TERT: variants seen among roughly 807,000 people sequenced by gnomAD.
TERT encodes the protein telomerase reverse transcriptase, also known as telomerase catalytic subunit.
TERT carries 42 observed loss-of-function variants against 104.0 expected under a neutral mutation model. The ratio of observed to expected loss-of-function variants is 0.40; its 90% CI spans 0.32 to 0.52. TERT has a LOEUF of 0.52. Ranked by LOEUF, TERT falls within the 20% of genes least tolerant of loss-of-function variation. The probability of loss-of-function intolerance (pLI) is 0.43; values close to 1 mark genes in which losing one functional copy is unlikely to be tolerated. For synonymous variants in TERT, 781 were observed against 725.6 expected (o/e 1.08, Z -1.23); for missense variants, 1,101 against 1,610.3 (o/e 0.68, Z 5.41).
rs1749924823 is a variant in TERT, at chr5:1,280,204, T to C, written c.1904A>G (p.Asn635Ser). The C allele has an allele frequency of 6.2e-7, 1 of 1,613,948 alleles. No homozygotes were observed. The highest frequency in any genetic ancestry group is 8.5e-7 in the Non-Finnish European group (1 of 1,180,044). ...TCTGGCTCCCACGACGTAGTCCATGTTCACAATCGGCCGCAGCCCGTCAGG... is the reference window on the plus strand; with the variant it reads ...TCTGGCTCCCACGACGTAGTCCATGCTCACAATCGGCCGCAGCCCGTCAGG... ...PKPDGLRPIV[N>S]MDYVVGARTF... Residue 635 changes from asparagine to serine, a missense_variant, in exon 4 of 16, where the codon AAC (asparagine) becomes AGC (serine). By Grantham distance (46) the Asn-to-Ser change is conservative. Coordinates refer to ENST00000310581, the MANE Select transcript of TERT (RefSeq NM_198253.3).
intron 2 of TERT, among the ~76,000 whole-genome samples, chr5:1,289,081 G>T (rs1750672182): frequency 6.6e-6 from 1 of 152,056 alleles, no homozygotes; most frequent in Non-Finnish European, 1.5e-5. Context: ...GACACCTGGG[G>T]ACAGAGCCTC....
rs560870223 is a variant in TERT at position 1,284,039 on chromosome 5, C to CA, written c.1574-1416dup. 1.2e-4 allele frequency among the ~76,000 whole-genome samples: 17 copies of CA among 147,532 alleles called. No individual in the cohort carries two copies. In the East Asian group the frequency reaches 3.6e-3, roughly 31 times the overall value. ...GCCTGGCGACCTCACCCCGGACCTG[C>CA]ACCATCCGGATACAGCACATCCAGC... On this transcript the variant is annotated intron_variant, in intron 2 of 15. Coordinates refer to ENST00000310581, the MANE Select transcript of TERT (RefSeq NM_198253.3).
rs1751308706 is a variant in TERT, at chr5:1,295,037, A to T, written c.-48T>A. ...GCTTCCCACGTGCGCAGCAGGACGCAGCGCTGCCTGAAACTCGCGCCGCGA... is the reference window on the plus strand; with the variant it reads ...GCTTCCCACGTGCGCAGCAGGACGCTGCGCTGCCTGAAACTCGCGCCGCGA... On this transcript the variant is annotated 5_prime_UTR_variant, in exon 1 of 16. Transcript: ENST00000310581. The T allele has an allele frequency of 8.3e-7, 1 of 1,211,982 alleles. No individual in the cohort carries two copies. Among genetic ancestry groups the T allele is most frequent in the South Asian group, 3.1e-5 (1 of 31,940 alleles). The allele number at this position is 1,211,982 out of a possible 1,614,324, so 75.1% of individuals were successfully genotyped here. A position where few individuals can be genotyped will look rare whatever the true frequency, so the allele number is the denominator to read the frequency against.
chr5:1,272,409 G>T, intron 6 of TERT, 129 bp from the exon 7 acceptor site: 2 of 874,806 alleles, frequency 2.3e-6, no homozygotes, highest in African/African-American at 1.7e-5. Flanking sequence ...CCCAGAGAGC[G>T]CCTGGGAAGC....
rs1747820154 is a variant in TERT, at chr5:1,257,335, T to C, written c.3032+1263A>G. On this transcript the variant is annotated intron_variant, in intron 13 of 15. Coordinates refer to ENST00000310581, the MANE Select transcript of TERT (RefSeq NM_198253.3). The surrounding 1 kb of genome is among the most constrained non-coding windows in gnomAD (Gnocchi z 5.6). Reference sequence around the variant, plus strand: ...TTCACCTGGGAAAACTCCTCTGACCTCATCATGGCCCAAGGAGGCCCCAAG... The same window carrying C: ...TTCACCTGGGAAAACTCCTCTGACCCCATCATGGCCCAAGGAGGCCCCAAG... Among the ~76,000 whole-genome samples the C allele has an allele frequency of 6.6e-6, 1 of 151,926 alleles. No homozygotes were observed. The highest frequency in any genetic ancestry group is 2.4e-5 in the African/African-American group (1 of 41,354).
rs998449593 is a variant in TERT, at chr5:1,292,420, T to C, written c.1573+893A>G. On this transcript the variant is annotated intron_variant, in intron 2 of 15. Coordinates refer to ENST00000310581, the MANE Select transcript of TERT (RefSeq NM_198253.3). The surrounding 1 kb of genome is among the most constrained non-coding windows in gnomAD (Gnocchi z 5.5). ...AGCCATCTGCTGTCCTCTGCTCCCA[T>C]GTGGCCCTCTTCATACCTAAAGATG... Among the ~76,000 whole-genome samples the C allele has an allele frequency of 6.6e-6, 1 of 152,202 alleles. No individual in the cohort carries two copies. The highest frequency in any genetic ancestry group is 2.4e-5 in the African/African-American group (1 of 41,450).
At position 1,260,941 on chromosome 5, in the gene TERT, G is replaced by A. The variant is rs536041609; in HGVS notation, c.2844-341C>T. On this transcript the variant is annotated intron_variant, in intron 11 of 15. Coordinates refer to ENST00000310581, the MANE Select transcript of TERT (RefSeq NM_198253.3). ...AACTGTGGAGCCCTGGCTCCCGGGCGTCCCTCGAGTGAACACAGGTGTGAC... is the reference window on the plus strand; with the variant it reads ...AACTGTGGAGCCCTGGCTCCCGGGCATCCCTCGAGTGAACACAGGTGTGAC... Among the ~76,000 whole-genome samples the A allele has an allele frequency of 1.5e-4, 23 of 152,346 alleles. No homozygotes were observed. In the South Asian group the frequency reaches 1.7e-3, roughly 11 times the overall value.
In TERT at chr5:1,291,326, A is replaced by G. The variant is rs373554998; in HGVS notation, c.1573+1987T>C. Among the ~76,000 whole-genome samples the G allele has an allele frequency of 6.4e-4, 18 of 28,168 alleles. No homozygotes were observed. The East Asian group carries it at 7.0e-3, about 11-fold the overall frequency. The allele number at this position is 28,168 out of a possible 152,430, so 18.5% of individuals were successfully genotyped here. A position where few individuals can be genotyped will look rare whatever the true frequency, so the allele number is the denominator to read the frequency against. On this transcript the variant is annotated intron_variant, in intron 2 of 15. Transcript: ENST00000310581. Reference sequence around the variant, plus strand: ...CCAGGGACGGTGCCTCACTCACCCTACACGTGACAGGGACACCCGGGGACC... The same window carrying G: ...CCAGGGACGGTGCCTCACTCACCCTGCACGTGACAGGGACACCCGGGGACC...
At chr5:1,260,698 T>C (rs1291678422) in intron 11 of TERT, 98 bp from the exon 12 acceptor site, 7 of 1,551,198 alleles carry the variant, frequency 4.5e-6, no homozygotes, top group Non-Finnish European at 6.1e-6. Context: ...TTCCTCCCGC[T>C]TCCTTGTCCT....
intron 6 of TERT, among the ~76,000 whole-genome samples, chr5:1,277,127 C>A (rs927609393): frequency 3.9e-5 from 6 of 152,220 alleles, no homozygotes; most frequent in Non-Finnish European, 7.4e-5. Context: ...TCAAGAGAGC[C>A]CCCTGCACAA....
intron 6 of TERT, among the ~76,000 whole-genome samples, chr5:1,277,915 C>T (rs1749720323): frequency 6.6e-6 from 1 of 152,206 alleles, no homozygotes; most frequent in Admixed American, 6.5e-5. Context: ...TGCTCATGAC[C>T]ACTGGGTGGG....
At position 1,279,337 on chromosome 5, in the gene TERT, A is replaced by T. The variant is rs1749846376; in HGVS notation, c.2084T>A (p.Leu695Gln). 6.3e-7 allele frequency: 1 copy of T among 1,585,488 alleles called. No individual in the cohort carries two copies. The highest frequency in any genetic ancestry group is 8.6e-7 in the Non-Finnish European group (1 of 1,168,148). The change falls in exon 5 of 16, where the codon CTG (leucine) becomes CAG (glutamine). Residue 695 changes from leucine to glutamine, a missense_variant. By Grantham distance (113) the Leu-to-Gln change is moderately radical (BLOSUM62 -2). This residue lies in a region of TERT where 463 missense variants were observed against 797.5 expected (regional missense o/e 0.58). Transcript: ENST00000310581. ...DIHRAWRTFV[L>Q]RVRAQDPPPE... ...CGGCGGGTCCTGGGCCCGCACACGC[A>T]GCACGAAGGTGCGCCAGGCCCTGTG...
intron 2 of TERT, among the ~76,000 whole-genome samples, chr5:1,289,086 AG>A (rs761744687): frequency 1.1e-4 from 16 of 151,216 alleles, no homozygotes; most frequent in Admixed American, 2.0e-4. Context: ...CTGGGGACAG[AG>A]CCTCACTCAC....
In TERT at chr5:1,279,412, G is replaced by A. The variant is rs767382450; in HGVS notation, c.2009C>T (p.Ala670Val). ...GGCGCCCAGGAGGCCGGGGCGCCGC[G>A]CCCGCTCGTAGTTGAGCACGCTGAA... is the stretch of plus-strand genomic sequence containing the variant. ...ALFSVLNYER[A>V]RRPGLLGASV... The change falls in exon 5 of 16, where the codon GCG (alanine) becomes GTG (valine). Residue 670 changes from alanine (A) to valine (V), a missense_variant. Ala to Val is a moderately conservative substitution (Grantham distance 64). This residue lies in a region of TERT where 463 missense variants were observed against 797.5 expected (regional missense o/e 0.58). Transcript: ENST00000310581. 31 of 1,552,206 alleles carry A rather than the reference G, an allele frequency of 2.0e-5. No individual in the cohort carries two copies. The highest frequency in any genetic ancestry group is 2.1e-4 in the Middle Eastern group (1 of 4,670).
rs1420805598 is a variant in TERT, at chr5:1,293,885, G to A, written c.1001C>T (p.Ser334Phe). The change falls in exon 2 of 16, where the codon TCC becomes TTC. Residue 334 changes from serine (S) to phenylalanine (F), a missense_variant. Ser to Phe is a radical substitution (Grantham distance 155). Transcript: ENST00000310581. ...VYAETKHFLYSSGDKEQLRPS... is the reference protein window; with the variant it reads ...VYAETKHFLYFSGDKEQLRPS... ...CCGCAGCTGCTCCTTGTCGCCTGAG[G>A]AGTAGAGGAAGTGCTTGGTCTCGGC... The A allele has an allele frequency of 6.5e-7, 1 of 1,543,486 alleles. No homozygotes were observed. The highest frequency in any genetic ancestry group is 8.7e-7 in the Non-Finnish European group (1 of 1,146,992).
chr5:1,270,951 C>A lies in TERT; in HGVS notation c.2468+168G>T, dbSNP rs906103554. Among the ~76,000 whole-genome samples, 8 of 152,234 alleles carry A rather than the reference C, an allele frequency of 5.3e-5. No individual in the cohort carries two copies. Among genetic ancestry groups the A allele is most frequent in the Non-Finnish European group, 1.2e-4 (8 of 68,050 alleles). ...CGCAAGCCGAGCCATGTTTCCGGGG[C>A]CTCGGGAGCCTGCAGCCCAGGAGCC... is the stretch of plus-strand genomic sequence containing the variant. On this transcript the variant is annotated intron_variant, in intron 8 of 15. Transcript: ENST00000310581. The surrounding 1 kb of genome is among the most constrained non-coding windows in gnomAD (Gnocchi z 8.3).
chr5:1,274,330 G>A lies in TERT; in HGVS notation c.2287-2050C>T, dbSNP rs35517815. On this transcript the variant is annotated intron_variant, in intron 6 of 15. Transcript: ENST00000310581. The surrounding 1 kb of genome is among the most constrained non-coding windows in gnomAD (Gnocchi z 5.3). ...AATAGCCCATGGGTCTGAGGTCGGCGGAAAGCATCACAGAAATCCGTAATT... is the reference window on the plus strand; with the variant it reads ...AATAGCCCATGGGTCTGAGGTCGGCAGAAAGCATCACAGAAATCCGTAATT... Among the ~76,000 whole-genome samples the A allele has an allele frequency of 0.011, 1,631 of 152,288 alleles. 17 individuals are homozygous for A. Among genetic ancestry groups the A allele is most frequent in the Non-Finnish European group, 0.014 (937 of 68,020 alleles).
Position 1,254,462 on chromosome 5 carries a change from G to A in TERT, c.3201C>T (p.Ser1067=), listed in dbSNP as rs755223754. The A allele has an allele frequency of 2.4e-5, 38 of 1,612,830 alleles. No individual in the cohort carries two copies. Among genetic ancestry groups the A allele is most frequent in the Middle Eastern group, 1.6e-4 (1 of 6,084 alleles). ...GAKGAAGPLP[S]EAVQWLCHQA... Reference sequence around the variant, plus strand: ...GGTGGCACAGCCACTGCACGGCCTCGGAGGGCAGAGGGCCGGCGGCGCCCT... The same window carrying A: ...GGTGGCACAGCCACTGCACGGCCTCAGAGGGCAGAGGGCCGGCGGCGCCCT... The change falls in exon 15 of 16, where the codon TCC becomes TCT. Residue 1067 remains serine, a synonymous_variant. Coordinates refer to ENST00000310581, the MANE Select transcript of TERT (RefSeq NM_198253.3).
Position 1,261,983 on chromosome 5 carries a change from C to T in TERT, c.2844-1383G>A, listed in dbSNP as rs536756397. On this transcript the variant is annotated intron_variant, in intron 11 of 15. Transcript: ENST00000310581. The surrounding 1 kb of genome is among the most constrained non-coding windows in gnomAD (Gnocchi z 7.4). ...GCCTTAAATAAATCACGTGCACAAA[C>T]GCTCCAGGGAATGGCCATTTTCACT... 2.0e-5 allele frequency among the ~76,000 whole-genome samples: 3 copies of T among 152,302 alleles called. No individual in the cohort carries two copies. Among genetic ancestry groups the T allele is most frequent in the Admixed American group, 2.0e-4 (3 of 15,300 alleles).
Sources: gnomAD v4.1 joint callset for allele counts (sites outside exome capture counted in the v4.1 genomes callset) on GRCh38, gnomAD v4.1.1 for gene constraint, gnomAD v4.1.1 regional missense constraint, Gnocchi (gnomAD v3.1) non-coding constraint, MANE v1.5 for transcripts, NCBI Gene and HGNC (gene_info 2026-07-23, HGNC 2026-07-21) for gene names.